HNF4G: variants seen among roughly 807,000 people sequenced by gnomAD.
HNF4G encodes hepatocyte nuclear factor 4 gamma.
A neutral mutation model predicts 50.9 loss-of-function variants in HNF4G; 21 were observed. The observed-to-expected ratio is 0.41, with a 90% CI of 0.29 to 0.59. The LOEUF is 0.59. Among genes scored for constraint, HNF4G ranks in the 20% least tolerant of loss-of-function variants. The probability of loss-of-function intolerance (pLI) is 0.26; values close to 1 mark genes in which losing one functional copy is unlikely to be tolerated. For synonymous variants in HNF4G, 198 were observed against 185.6 expected, an observed-to-expected ratio of 1.07 and a Z score of -0.54; for missense variants, 527 against 559.4, an observed-to-expected ratio of 0.94 and a Z score of 0.58.
intron 1 of HNF4G, 76 bp from the exon 2 acceptor site, chr8:75,543,735 C>T (rs968925896): frequency 7.9e-7 from 1 of 1,264,668 alleles, no homozygotes; most frequent in Non-Finnish European, 1.1e-6. Flanking sequence ...TGTTATGAGC[C>T]TATAAATAAT....
chr8:75,414,298 A>G (rs558332146), intron 1 of HNF4G, among the ~76,000 whole-genome samples: 5 of 151,900 alleles, frequency 3.3e-5, no homozygotes, highest in Admixed American at 2.0e-4. Context: ...AATTTAGCAT[A>G]ATTATTTTGA....
chr8:75,498,283 T>C (rs1812832068), intron 2 of HNF4G, among the ~76,000 whole-genome samples: 1 of 152,054 alleles, frequency 6.6e-6, no homozygotes, highest in African/African-American at 2.4e-5. Flanking sequence ...AACAGTAAAG[T>C]TTCATAACAA....
At chr8:75,470,487 G>T (rs1022159923) in intron 1 of HNF4G, among the ~76,000 whole-genome samples, 1 of 151,906 alleles carries the variant, frequency 6.6e-6, no homozygotes, top group African/African-American at 2.4e-5. Context: ...TTCCTTTAAG[G>T]ATCATCATTT....
chr8:75,509,479 G>A (rs184578715), intron 2 of HNF4G, among the ~76,000 whole-genome samples: 1 of 152,266 alleles, frequency 6.6e-6, no homozygotes, highest in Admixed American at 6.5e-5. Context: ...AGTGCATTAT[G>A]GGACACATGT....
At chr8:75,434,666 A>G (rs964558611) in intron 1 of HNF4G, among the ~76,000 whole-genome samples, 1 of 148,414 alleles carries the variant, frequency 6.7e-6, no homozygotes, top group Non-Finnish European at 1.5e-5. Context: ...GAACACAAAC[A>G]ACAAGGCCAA....
chr8:75,537,759 T>C (rs917899943), upstream of HNF4G, among the ~76,000 whole-genome samples: 6 of 152,042 alleles, frequency 3.9e-5, no homozygotes, highest in Non-Finnish European at 7.4e-5. Flanking sequence ...ATGAGACTTA[T>C]GAAAAAAAAT....
chr8:75,408,569 T>C (rs1810419507), intron 1 of HNF4G, among the ~76,000 whole-genome samples: 1 of 152,200 alleles, frequency 6.6e-6, no homozygotes. Flanking sequence ...AGTATTGAGA[T>C]CTTCCTAGTT....
intron 1 of HNF4G, among the ~76,000 whole-genome samples, chr8:75,409,734 G>A (rs913419916): frequency 2.6e-5 from 4 of 151,896 alleles, no homozygotes; most frequent in East Asian, 1.9e-4. Context: ...TGATCTGCCC[G>A]TCTTGACATC....
At chr8:75,432,362 G>C (rs1811034790) in intron 1 of HNF4G, among the ~76,000 whole-genome samples, 2 of 151,846 alleles carry the variant, frequency 1.3e-5, no homozygotes, top group Admixed American at 1.3e-4. Context: ...TGTTGCCCAG[G>C]CTGGAGTGCA....
intron 2 of HNF4G, among the ~76,000 whole-genome samples, chr8:75,547,245 T>C (rs1470986036): frequency 6.6e-6 from 1 of 152,190 alleles, no homozygotes; most frequent in Non-Finnish European, 1.5e-5. Flanking sequence ...ATAGCCTCCT[T>C]CATACTGAAA....
chr8:75,495,149 A>G (rs1009233222), intron 2 of HNF4G, among the ~76,000 whole-genome samples: 6 of 152,202 alleles, frequency 3.9e-5, no homozygotes, highest in Admixed American at 1.3e-4. Context: ...TTCACAGACT[A>G]TGTTCCTAAA....
chr8:75,452,440 C>G (rs1268327388), intron 1 of HNF4G, among the ~76,000 whole-genome samples: 1 of 152,150 alleles, frequency 6.6e-6, no homozygotes, highest in Admixed American at 6.6e-5. Context: ...ACTAATGTGG[C>G]TGGGCACGTT....
At chr8:75,560,514 AG>A (rs781558062) in intron 9 of HNF4G, 48 bp downstream of exon 9, 2 of 1,562,848 alleles carry the variant, frequency 1.3e-6, no homozygotes, top group South Asian at 2.4e-5. Flanking sequence ...TAATTACCCA[AG>A]AAAAAGTGGA....
chr8:75,506,864 A>T (rs867345101), intron 2 of HNF4G, among the ~76,000 whole-genome samples: 22 of 152,122 alleles, frequency 1.4e-4, no homozygotes, highest in African/African-American at 5.1e-4. Context: ...CAACAACAAC[A>T]ACAACAACAA....
chr8:75,543,103 A>C (rs2977930), intron 1 of HNF4G, among the ~76,000 whole-genome samples: 14,244 of 152,194 alleles, frequency 0.094, 941 homozygotes, highest in African/African-American at 0.18. Flanking sequence ...GCTACTCAGG[A>C]GGCTGAGGCA....
At chr8:75,530,307 A>AT (rs1806295013) in intron 2 of HNF4G, among the ~76,000 whole-genome samples, 1 of 152,028 alleles carries the variant, frequency 6.6e-6, no homozygotes, top group Non-Finnish European at 1.5e-5. Context: ...AAAACTGGCA[A>AT]TTTTTTAGCT....
chr8:75,521,349 G>A (rs1446183687), intron 2 of HNF4G, among the ~76,000 whole-genome samples: 2 of 152,144 alleles, frequency 1.3e-5, no homozygotes, highest in African/African-American at 2.4e-5. Flanking sequence ...TTTACAGTGC[G>A]ACACAAGCAA....
intron 1 of HNF4G, among the ~76,000 whole-genome samples, chr8:75,457,495 G>A (rs1200783028): frequency 6.6e-6 from 1 of 152,046 alleles, no homozygotes; most frequent in Non-Finnish European, 1.5e-5. Context: ...TCCAGGATGA[G>A]ACAGCAAGTA....
chr8:75,455,839 A>C (rs956499424), intron 1 of HNF4G, among the ~76,000 whole-genome samples: 6 of 152,132 alleles, frequency 3.9e-5, no homozygotes, highest in South Asian at 2.1e-4. Context: ...TAGTGGTAGC[A>C]GTTTGCATAC....
Sources: gnomAD v4.1 joint callset for allele counts (sites outside exome capture counted in the v4.1 genomes callset) on GRCh38, gnomAD v4.1.1 for gene constraint, MANE v1.5 for transcripts, NCBI Gene and HGNC (gene_info 2026-07-23, HGNC 2026-07-21) for gene names.